Variants in ASMT observed in about 807,000 individuals in gnomAD.
The protein encoded by ASMT is acetylserotonin N-methyltransferase.
In ASMT, 53 loss-of-function variants were observed where a neutral mutation model predicts 41.3. The observed-to-expected ratio is 1.28, with a 90% CI of 1.03 to 1.61. ASMT has a LOEUF of 1.61. Among genes scored for constraint, ASMT ranks in the 40% most tolerant of loss-of-function variants. The probability of loss-of-function intolerance (pLI) is 0.00; values close to 1 mark genes in which losing one functional copy is unlikely to be tolerated. For missense variants in ASMT, 531 were observed against 441.3 expected (o/e 1.20, Z -1.82); for synonymous variants, 231 against 184.8 (o/e 1.25, Z -2.03).
At chrX:1,628,070 C>T in intron 4 of ASMT, 1 of 456,162 alleles carries the variant, frequency 2.2e-6, no homozygotes, top group South Asian at 2.3e-5. Flanking sequence ...CCTGTCATCC[C>T]AGAACTTTGG....
rs766914709 is a variant in ASMT at position 1,641,411 on chromosome X, T to C, written c.911-1392T>C. 1.7e-4 allele frequency among the ~76,000 whole-genome samples: 25 copies of C among 143,490 alleles called. 1 individual carries two copies. Among genetic ancestry groups the C allele is most frequent in the South Asian group, 1.6e-3 (7 of 4,498 alleles). 94.1% of individuals were successfully genotyped at this position (143,490 alleles called of 152,430 possible). The stretch of plus-strand genomic sequence containing the variant: ...CTGTGAGGTCCACCTATCCTGATGG[T>C]CCATGAGGATGTGGACACAGCCGCT... On this transcript the variant is annotated intron_variant, in intron 8 of 8. Coordinates refer to ENST00000381241, the MANE Select transcript of ASMT (RefSeq NM_001171038.2).
At position 1,624,365 on chromosome X, in the gene ASMT, A is replaced by G; in HGVS notation, c.341A>G (p.Tyr114Cys). 1.2e-6 allele frequency: 2 copies of G among 1,613,798 alleles called. No individual in the cohort carries two copies. Among genetic ancestry groups the G allele is most frequent in the Non-Finnish European group, 1.7e-6 (2 of 1,179,866 alleles). Residue 114 changes from tyrosine (Y) to cysteine (C), a missense_variant, in exon 3 of 9, where the codon TAC becomes TGC. By Grantham distance (194) the Tyr-to-Cys change is radical (BLOSUM62 -2). Coordinates refer to ENST00000381241, the MANE Select transcript of ASMT (RefSeq NM_001171038.2). ...SMLKYMGRTS[Y>C]RCWGHLADAV... Reference sequence around the variant, plus strand: ...CTGAAGTACATGGGCAGGACCAGCTACCGGTGCTGGGGCCACCTGGCAGAC... The same window carrying G: ...CTGAAGTACATGGGCAGGACCAGCTGCCGGTGCTGGGGCCACCTGGCAGAC...
chrX:1,636,224 T>G (rs1488594379), intron 7 of ASMT: 3 of 677,574 alleles, frequency 4.4e-6, no homozygotes, highest in Non-Finnish European at 8.1e-6. Context: ...CCCAAAGTGC[T>G]AGGATTACAG....
intron 2 of ASMT, 112 bp from the exon 3 acceptor site, chrX:1,624,157 G>A: frequency 1.4e-6 from 2 of 1,415,018 alleles, no homozygotes; most frequent in Non-Finnish European, 2.0e-6. Context: ...CTCTAAAGAA[G>A]AGATGGGCTT....
At chrX:1,636,243 C>T (rs1934957444) in intron 7 of ASMT, 195 bp from the exon 8 acceptor site, 3 of 801,048 alleles carry the variant, frequency 3.7e-6, no homozygotes, top group Admixed American at 2.0e-5. Context: ...AGGCGTGAGC[C>T]ACCGCGCCCG....
intron 1 of ASMT, among the ~76,000 whole-genome samples, chrX:1,621,914 C>T (rs1199489145): frequency 8.6e-5 from 13 of 151,458 alleles, no homozygotes; most frequent in Non-Finnish European, 1.8e-4. Flanking sequence ...AGGCTGGTCA[C>T]GAACTCACAA....
chrX:1,635,382 C>T (rs1171463593), intron 7 of ASMT, among the ~76,000 whole-genome samples: 1 of 152,128 alleles, frequency 6.6e-6, no homozygotes, highest in African/African-American at 2.4e-5. Flanking sequence ...GAGCGTTTCA[C>T]ATCGCACACA....
At chrX:1,615,641 A>G (rs749584540) in intron 1 of ASMT, among the ~76,000 whole-genome samples, 2 of 152,070 alleles carry the variant, frequency 1.3e-5, no homozygotes, top group African/African-American at 4.8e-5. Flanking sequence ...CATCTCTACT[A>G]AAAATACAAA....
chrX:1,624,207 C>A (rs1374431218), intron 2 of ASMT, 62 bp from the exon 3 acceptor site: 33 of 1,606,548 alleles, frequency 2.1e-5, no homozygotes, highest in Non-Finnish European at 2.8e-5. Flanking sequence ...AGCTGGGGAG[C>A]GTCCGCCGGC....
At position 1,636,925 on chromosome X, in the gene ASMT, G is replaced by A. The variant is rs1224906347; in HGVS notation, c.910+365G>A. On this transcript the variant is annotated intron_variant, in intron 8 of 8. Coordinates refer to ENST00000381241, the MANE Select transcript of ASMT (RefSeq NM_001171038.2). Reference sequence around the variant, plus strand: ...GTGGGCACAGCCTCTGTGTGTGATGGGGACAGTGTCCCAGCTCTCCTGTGA... The same window carrying A: ...GTGGGCACAGCCTCTGTGTGTGATGAGGACAGTGTCCCAGCTCTCCTGTGA... Among the ~76,000 whole-genome samples, 21 of 99,220 alleles carry A rather than the reference G, an allele frequency of 2.1e-4. 1 individual carries two copies. Among genetic ancestry groups the A allele is most frequent in the African/African-American group, 5.0e-4 (13 of 25,794 alleles). The allele number at this position is 99,220 out of a possible 152,430, so 65.1% of individuals were successfully genotyped here.
intron 8 of ASMT, among the ~76,000 whole-genome samples, chrX:1,636,986 CACAGCCTCTGTGT>C: frequency 2.8e-5 from 2 of 71,916 alleles, no homozygotes; most frequent in Non-Finnish European, 5.5e-5. Flanking sequence ...AGGATGTGGG[CACAGCCTCTGTGT>C]GTGATGGGGA....
intron 3 of ASMT, among the ~76,000 whole-genome samples, chrX:1,626,310 C>T (rs1427009241): frequency 1.3e-5 from 2 of 148,360 alleles, no homozygotes; most frequent in Non-Finnish European, 3.0e-5. Context: ...TCTCGACTCA[C>T]TGCAACCTCC....
chrX:1,616,071 C>T (rs757460146), intron 1 of ASMT, among the ~76,000 whole-genome samples: 1 of 151,748 alleles, frequency 6.6e-6, no homozygotes, highest in East Asian at 1.9e-4. Context: ...CTCTGTAACC[C>T]AGGCTGGAGT....
chrX:1,636,682 T>G (rs1291026283), intron 8 of ASMT, 122 bp downstream of exon 8: 1 of 1,465,756 alleles, frequency 6.8e-7, no homozygotes, highest in Non-Finnish European at 9.5e-7. Context: ...CTGCCCAATA[T>G]GGCTTTCCTT....
chrX:1,629,130 A>ATG (rs1181584637), intron 4 of ASMT, among the ~76,000 whole-genome samples: 11 of 150,636 alleles, frequency 7.3e-5, no homozygotes, highest in Non-Finnish European at 2.9e-5. Context: ...ATGTGAATAT[A>ATG]TGTATCTGTT....
Position 1,629,869 on chromosome X carries a change from G to A in ASMT, c.492G>A (p.Trp164Ter). The A allele has an allele frequency of 6.2e-7, 1 of 1,613,992 alleles. No homozygotes were observed. Among genetic ancestry groups the A allele is most frequent in the Non-Finnish European group, 8.5e-7 (1 of 1,179,874 alleles). The part of the protein sequence containing the change: ...LQFMQALQEV[W>*]SVNGRSVLTA... The stretch of plus-strand genomic sequence containing the variant: ...TCATGCAAGCTCTGCAGGAGGTCTG[G>A]AGCGTCAACGGGAGAAGCGTGCTGA... The change falls in exon 5 of 9, where the codon TGG becomes TGA. Residue 164 changes from tryptophan (W) to a stop codon, truncating the protein, a stop_gained. Transcript: ENST00000381241. LOFTEE classifies it high-confidence loss of function.
intron 5 of ASMT, among the ~76,000 whole-genome samples, 187 bp from the exon 6 acceptor site, chrX:1,632,517 T>C (rs113368620): frequency 6.6e-6 from 1 of 151,894 alleles, no homozygotes; most frequent in East Asian, 1.9e-4. Context: ...TAGCTGGGCG[T>C]GGTGGCGGGC....
At chrX:1,627,567 G>A (rs1934598349) in intron 3 of ASMT, 136 bp from the exon 4 acceptor site, 2 of 909,524 alleles carry the variant, frequency 2.2e-6, no homozygotes, top group African/African-American at 3.2e-5. Flanking sequence ...GTTGCAGTGA[G>A]CCGAGATCGT....
intron 1 of ASMT, among the ~76,000 whole-genome samples, chrX:1,618,452 C>G (rs1428712857): frequency 6.7e-6 from 1 of 149,214 alleles, no homozygotes; most frequent in Non-Finnish European, 1.5e-5. Context: ...GTGTGAGCTA[C>G]TGCCTCTGGC....
Sources: gnomAD v4.1 joint callset for allele counts (sites outside exome capture counted in the v4.1 genomes callset) on GRCh38, gnomAD v4.1.1 for gene constraint, MANE v1.5 for transcripts, NCBI Gene and HGNC (gene_info 2026-07-23, HGNC 2026-07-21) for gene names.